Variants in GPC5 observed in about 807,000 individuals in gnomAD.
GPC5 encodes glypican 5.
In GPC5, 47 loss-of-function variants were observed where a neutral mutation model predicts 53.9. That is an observed-to-expected ratio of 0.87 (90% CI 0.69 to 1.11). GPC5 has a LOEUF of 1.11. GPC5 is among the 50% of genes most tolerant of loss of function. GPC5 has a pLI of 0.00. For missense variants in GPC5, 748 were observed against 713.1 expected (o/e 1.05, Z -0.56); for synonymous variants, 286 against 263.3 (o/e 1.09, Z -0.84).
chr13:92,279,133 A>G (rs2042895930), intron 7 of GPC5, among the ~76,000 whole-genome samples: 1 of 152,086 alleles, frequency 6.6e-6, no homozygotes, highest in Non-Finnish European at 1.5e-5. Flanking sequence ...TATTAACAAT[A>G]ATAAGTATTT....
At chr13:92,278,709 G>T (rs2042892908) in intron 7 of GPC5, among the ~76,000 whole-genome samples, 2 of 151,798 alleles carry the variant, frequency 1.3e-5, no homozygotes, top group African/African-American at 4.8e-5. Context: ...TTTTGTGTTG[G>T]GTGTGAGGAA....
chr13:91,812,096 G>T (rs1313042992), intron 5 of GPC5, among the ~76,000 whole-genome samples: 1 of 152,158 alleles, frequency 6.6e-6, no homozygotes. Context: ...GGTAGTACCT[G>T]TTGCCTTAGG....
At chr13:92,606,210 T>C (rs1180100093) in intron 7 of GPC5, among the ~76,000 whole-genome samples, 1 of 152,076 alleles carries the variant, frequency 6.6e-6, no homozygotes, top group Non-Finnish European at 1.5e-5. Flanking sequence ...TTACATTAGG[T>C]ATTTCTCCTA....
chr13:92,337,969 T>G (rs1319813164), intron 7 of GPC5, among the ~76,000 whole-genome samples: 1 of 152,084 alleles, frequency 6.6e-6, no homozygotes, highest in Non-Finnish European at 1.5e-5. Context: ...TGGACTTCAT[T>G]AAAATTAAAA....
At chr13:92,473,753 A>G (rs918275054) in intron 7 of GPC5, among the ~76,000 whole-genome samples, 1 of 152,132 alleles carries the variant, frequency 6.6e-6, no homozygotes. Context: ...TGTCATCATA[A>G]TACAATAAAA....
At chr13:91,934,225 T>C (rs2039849153) in intron 6 of GPC5, among the ~76,000 whole-genome samples, 1 of 151,952 alleles carries the variant, frequency 6.6e-6, no homozygotes, top group South Asian at 2.1e-4. Flanking sequence ...AAAGAGAGGT[T>C]GGCAATGATT....
At chr13:91,699,520 C>T (rs988214568) in intron 3 of GPC5, among the ~76,000 whole-genome samples, 1 of 152,106 alleles carries the variant, frequency 6.6e-6, no homozygotes, top group African/African-American at 2.4e-5. Flanking sequence ...TTTTGTTTAA[C>T]ATATGTGGTG....
At chr13:91,883,209 C>T (rs2039286190) in intron 5 of GPC5, among the ~76,000 whole-genome samples, 1 of 152,120 alleles carries the variant, frequency 6.6e-6, no homozygotes, top group Non-Finnish European at 1.5e-5. Flanking sequence ...AGTTATAGTC[C>T]TGCACACAGT....
chr13:92,244,011 T>C (rs1181534184), intron 7 of GPC5, among the ~76,000 whole-genome samples: 2 of 152,122 alleles, frequency 1.3e-5, no homozygotes, highest in Non-Finnish European at 1.5e-5. Context: ...CAAAGTTAAC[T>C]GTGTAGAATG....
At chr13:92,297,027 C>T (rs1292863871) in intron 7 of GPC5, among the ~76,000 whole-genome samples, 1 of 152,198 alleles carries the variant, frequency 6.6e-6, no homozygotes, top group East Asian at 1.9e-4. Context: ...GTCCCATTGA[C>T]CACCCAAGGG....
rs1349963682 is a variant in GPC5, at chr13:92,605,309, G to C, written c.1562-260973G>C. Among the ~76,000 whole-genome samples the C allele has an allele frequency of 2.0e-5, 3 of 152,096 alleles. No homozygotes were observed. In the East Asian group the frequency reaches 5.8e-4, roughly 29 times the overall value. ...TTTTAAAAATGGTTTGTGATAAAAA[G>C]TATATTCATCTCCAAGCAAATACTT... On this transcript the variant is annotated intron_variant, in intron 7 of 7. Coordinates refer to ENST00000377067, the MANE Select transcript of GPC5 (RefSeq NM_004466.6).
rs1315250066 is a variant in GPC5 at position 92,054,134 on chromosome 13, A to G, written c.1402-90696A>G. Among the ~76,000 whole-genome samples, 46 of 145,026 alleles carry G rather than the reference A, an allele frequency of 3.2e-4. 1 individual carries two copies. In the Admixed American group the frequency reaches 3.2e-3, roughly 10 times the overall value. On this transcript the variant is annotated intron_variant, in intron 6 of 7. Coordinates refer to ENST00000377067, the MANE Select transcript of GPC5 (RefSeq NM_004466.6). ...ATATAATAGACATCTTAAATATAAT[A>G]AATTACTTTGGAGGGGTGTGTGTGT... is the stretch of plus-strand genomic sequence containing the variant.
At chr13:92,619,221 A>C (rs1307086539) in intron 7 of GPC5, among the ~76,000 whole-genome samples, 1 of 152,000 alleles carries the variant, frequency 6.6e-6, no homozygotes, top group Non-Finnish European at 1.5e-5. Context: ...AGTTCTAACA[A>C]ATTAATAATC....
At chr13:91,711,752 A>G (rs1406298759) in intron 3 of GPC5, among the ~76,000 whole-genome samples, 1 of 152,192 alleles carries the variant, frequency 6.6e-6, no homozygotes, top group Non-Finnish European at 1.5e-5. Flanking sequence ...TGCTACTCTG[A>G]GGTACATTTC....
At chr13:91,862,260 T>A (rs770208142) in intron 5 of GPC5, among the ~76,000 whole-genome samples, 1 of 152,146 alleles carries the variant, frequency 6.6e-6, no homozygotes, top group Admixed American at 6.6e-5. Context: ...ACGTCTTAAT[T>A]TTACCTTCAA....
At chr13:92,702,190 T>C (rs891879770) in intron 7 of GPC5, among the ~76,000 whole-genome samples, 22 of 152,104 alleles carry the variant, frequency 1.4e-4, no homozygotes, top group Admixed American at 1.2e-3. Flanking sequence ...TGAAAATCCA[T>C]AGAGTTTCAT....
In GPC5 at chr13:91,807,538, C is replaced by A. The variant is rs80244721; in HGVS notation, c.1280+51118C>A. Among the ~76,000 whole-genome samples the A allele has an allele frequency of 2.6e-5, 4 of 152,210 alleles. No individual in the cohort carries two copies. The East Asian group carries it at 7.7e-4, about 29-fold the overall frequency. On this transcript the variant is annotated intron_variant, in intron 5 of 7. Coordinates refer to ENST00000377067, the MANE Select transcript of GPC5 (RefSeq NM_004466.6). The stretch of plus-strand genomic sequence containing the variant: ...AGAAGTGAGAACAATTTTGTTTCTG[C>A]TACTTATTTTTACCTCTGATTGCTA...
intron 7 of GPC5, among the ~76,000 whole-genome samples, chr13:92,355,577 A>G (rs1389005777): frequency 6.6e-6 from 1 of 152,098 alleles, no homozygotes; most frequent in Non-Finnish European, 1.5e-5. Flanking sequence ...TTATTTATTG[A>G]AGATTTTGAT....
intron 7 of GPC5, among the ~76,000 whole-genome samples, chr13:92,512,683 G>T (rs993270256): frequency 6.6e-6 from 1 of 152,084 alleles, no homozygotes; most frequent in African/African-American, 2.4e-5. Flanking sequence ...AGAAGGGAAG[G>T]GTTCACATTA....
Sources: gnomAD v4.1 joint callset for allele counts (sites outside exome capture counted in the v4.1 genomes callset) on GRCh38, gnomAD v4.1.1 for gene constraint, MANE v1.5 for transcripts, NCBI Gene and HGNC (gene_info 2026-07-23, HGNC 2026-07-21) for gene names.